The following ACAD11 variants were observed in gnomAD, a reference collection of about 807,000 sequenced individuals.
ACAD11 encodes acyl-CoA dehydrogenase family member 11.
In ACAD11, 83 loss-of-function variants were observed where a neutral mutation model predicts 102.2. The observed-to-expected ratio is 0.81, with a 90% CI of 0.68 to 0.97. ACAD11 has a LOEUF of 0.97. ACAD11 is among the 50% of genes least tolerant of loss of function. The probability of loss-of-function intolerance (pLI) is 0.00; values close to 1 mark genes in which losing one functional copy is unlikely to be tolerated. For missense variants in ACAD11, 901 were observed against 951.7 expected (o/e 0.95, Z 0.70); for synonymous variants, 324 against 319.8 (o/e 1.01, Z -0.14).
At position 132,603,298 on chromosome 3, in the gene ACAD11, T is replaced by A; in HGVS notation, c.1552A>T (p.Asn518Tyr). Reference sequence around the variant, plus strand: ...TCTCGTTGGATGCTGCATTCAATATTCGTGGCATCACTTGAAGCTACATCA... The same window carrying A: ...TCTCGTTGGATGCTGCATTCAATATACGTGGCATCACTTGAAGCTACATCA... ...EPDVASSDAT[N>Y]IECSIQRDED... Residue 518 changes from asparagine (N) to tyrosine (Y), a missense_variant, in exon 13 of 20, where the codon AAT (asparagine) becomes TAT (tyrosine). By Grantham distance (143) the Asn-to-Tyr change is moderately radical (BLOSUM62 -2). Transcript: ENST00000264990. 6.2e-7 allele frequency: 1 copy of A among 1,614,098 alleles called. No individual in the cohort carries two copies. The highest frequency in any genetic ancestry group is 8.5e-7 in the Non-Finnish European group (1 of 1,179,940).
chr3:132,582,119 A>C (rs1356667779), intron 13 of ACAD11, among the ~76,000 whole-genome samples: 1 of 151,952 alleles, frequency 6.6e-6, no homozygotes, highest in Non-Finnish European at 1.5e-5. Flanking sequence ...GAACTTTAAC[A>C]ATTATTTGAG....
intron 11 of ACAD11, among the ~76,000 whole-genome samples, chr3:132,616,062 G>A (rs1939395243): frequency 6.6e-6 from 1 of 152,030 alleles, no homozygotes; most frequent in African/African-American, 2.4e-5. Context: ...CAATTATACT[G>A]CCTTCTTCAT....
intron 1 of ACAD11, among the ~76,000 whole-genome samples, chr3:132,653,317 G>A (rs1052645510): frequency 2.0e-5 from 3 of 152,092 alleles, no homozygotes; most frequent in Non-Finnish European, 4.4e-5. Context: ...CGAGCAAATA[G>A]GAGCAATCAG....
At chr3:132,641,560 T>TGAAGAA (rs370839030) in intron 4 of ACAD11, among the ~76,000 whole-genome samples, 2,185 of 99,572 alleles carry the variant, frequency 0.022, 49 homozygotes, top group Middle Eastern at 0.032. Flanking sequence ...ATGATGATGA[T>TGAAGAA]GAAGAAGAAG....
At chr3:132,606,843 C>A (rs1027301408) in intron 11 of ACAD11, among the ~76,000 whole-genome samples, 2 of 152,238 alleles carry the variant, frequency 1.3e-5, no homozygotes, top group Middle Eastern at 3.2e-3. Flanking sequence ...AGGGAGACAC[C>A]TCCCAACAGG....
chr3:132,559,514 T>G (rs1048415640), intron 19 of ACAD11, among the ~76,000 whole-genome samples: 3 of 152,042 alleles, frequency 2.0e-5, no homozygotes, highest in Admixed American at 6.6e-5. Flanking sequence ...CCTTTCTGCC[T>G]CCCAGTCATC....
intron 17 of ACAD11, 164 bp from the exon 18 acceptor site, chr3:132,561,381 T>C: frequency 1.5e-6 from 1 of 656,558 alleles, no homozygotes; most frequent in African/African-American, 1.8e-5. Context: ...TCATTTGATA[T>C]ACACCAGCCT....
In ACAD11 at chr3:132,598,488, T is replaced by C. The variant is rs935804184; in HGVS notation, c.1621+4741A>G. On this transcript the variant is annotated intron_variant, in intron 13 of 19. Transcript: ENST00000264990. ...TTACAAACACAAATCAAATAGGTCATGCTTTGAGGAACTTAAAACCTAGAG... is the reference window on the plus strand; with the variant it reads ...TTACAAACACAAATCAAATAGGTCACGCTTTGAGGAACTTAAAACCTAGAG... Among the ~76,000 whole-genome samples the C allele has an allele frequency of 3.9e-5, 6 of 152,224 alleles. No homozygotes were observed. In the East Asian group the frequency reaches 9.6e-4, roughly 24 times the overall value.
At chr3:132,565,816 G>A (rs1389129872) in intron 17 of ACAD11, among the ~76,000 whole-genome samples, 1 of 152,138 alleles carries the variant, frequency 6.6e-6, no homozygotes. Context: ...CACGTGATGT[G>A]CTGGCTCCCC....
chr3:132,612,382 A>C (rs886733836), intron 11 of ACAD11, among the ~76,000 whole-genome samples: 6 of 152,052 alleles, frequency 3.9e-5, no homozygotes, highest in African/African-American at 1.2e-4. Context: ...AATGGGATCT[A>C]ATTAAACTAA....
intron 13 of ACAD11, among the ~76,000 whole-genome samples, chr3:132,593,459 T>C (rs998378761): frequency 6.6e-6 from 1 of 152,214 alleles, no homozygotes; most frequent in Non-Finnish European, 1.5e-5. Context: ...ATTCCACACA[T>C]GCCTGGCAAG....
At chr3:132,628,647 A>G (rs1390000182) in intron 7 of ACAD11, among the ~76,000 whole-genome samples, 1 of 152,220 alleles carries the variant, frequency 6.6e-6, no homozygotes, top group East Asian at 1.9e-4. Flanking sequence ...CAGTTCACAT[A>G]CTCTCATCCT....
chr3:132,592,739 T>G (rs1273234535), intron 13 of ACAD11, among the ~76,000 whole-genome samples: 1 of 152,236 alleles, frequency 6.6e-6, no homozygotes, highest in East Asian at 1.9e-4. Flanking sequence ...TCATTTGGTT[T>G]TAGCTTTAAT....
rs967405705 is a variant in ACAD11 at position 132,558,339 on chromosome 3, C to A, written c.*632G>T. ...CAACAAACCCTCAGTGGGTCAGGGT[C>A]TTCTAAGATTAAAATGTTAACACCA... On this transcript the variant is annotated 3_prime_UTR_variant, in exon 20 of 20. Transcript: ENST00000264990. 4.6e-5 allele frequency: 7 copies of A among 152,076 alleles called. No homozygotes were observed. The highest frequency in any genetic ancestry group is 1.7e-4 in the African/African-American group (7 of 41,414). The allele number at this position is 152,076 out of a possible 1,614,324, so 9.4% of individuals were successfully genotyped here. A position where few individuals can be genotyped will look rare whatever the true frequency, so the allele number is the denominator to read the frequency against.
chr3:132,605,587 C>T (rs1387662274), intron 11 of ACAD11, among the ~76,000 whole-genome samples: 4 of 152,218 alleles, frequency 2.6e-5, no homozygotes, highest in Non-Finnish European at 4.4e-5. Context: ...ATTAACATTG[C>T]ATGTCCTACT....
intron 5 of ACAD11, among the ~76,000 whole-genome samples, chr3:132,634,687 A>G (rs543532842): frequency 1.4e-4 from 21 of 152,296 alleles, no homozygotes; most frequent in African/African-American, 5.1e-4. Context: ...CTGGATTAAG[A>G]AAATGTGGCA....
Position 132,605,166 on chromosome 3 carries a change from T to C in ACAD11, c.1454A>G (p.Glu485Gly). 8.1e-6 allele frequency: 13 copies of C among 1,613,698 alleles called. No individual in the cohort carries two copies. The highest frequency in any genetic ancestry group is 1.1e-5 in the Non-Finnish European group (13 of 1,179,652). Residue 485 changes from glutamate to glycine, a missense_variant, in exon 12 of 20, where the codon GAG becomes GGG. Transcript: ENST00000264990. ...NMEVLHLYGS[E>G]EQKKQWLEPL... ...CTCAAGCCACTGTTTCTTCTGTTCC[T>C]CACTTCCATACAGGTGCAGAACCTC...
intron 13 of ACAD11, among the ~76,000 whole-genome samples, chr3:132,592,655 T>C (rs757281969): frequency 3.9e-5 from 6 of 152,184 alleles, no homozygotes; most frequent in Non-Finnish European, 8.8e-5. Flanking sequence ...CTATGAAGCA[T>C]AGATAGCCAT....
At chr3:132,586,469 T>G (rs555227776) in intron 13 of ACAD11, among the ~76,000 whole-genome samples, 2 of 152,028 alleles carry the variant, frequency 1.3e-5, no homozygotes, top group Non-Finnish European at 2.9e-5. Context: ...TGTGCACATG[T>G]ACCCTAAAAC....
Sources: allele counts gnomAD v4.1 joint callset (sites outside exome capture counted in the v4.1 genomes callset), GRCh38; gene constraint gnomAD v4.1.1; transcripts MANE v1.5; gene names NCBI Gene and HGNC (gene_info 2026-07-23, HGNC 2026-07-21).